ARHGAP8: variants seen among roughly 807,000 people sequenced by gnomAD.
ARHGAP8 encodes the protein rho GTPase-activating protein 8.
In ARHGAP8, 62 loss-of-function variants were observed where a neutral mutation model predicts 46.1. The ratio of observed to expected loss-of-function variants is 1.34; its 90% CI spans 1.10 to 1.66. The LOEUF is 1.66. Ranked by LOEUF, ARHGAP8 falls within the 40% of genes most tolerant of loss-of-function variation. The pLI, the probability that ARHGAP8 is intolerant of heterozygous loss-of-function variation, is 0.00. For synonymous variants in ARHGAP8, 375 were observed against 243.1 expected (o/e 1.54, Z -5.05); for missense variants, 923 against 568.4 (o/e 1.62, Z -6.34).
At chr22:44,831,406 C>G (rs1332930790) in intron 7 of ARHGAP8, among the ~76,000 whole-genome samples, 2 of 152,068 alleles carry the variant, frequency 1.3e-5, no homozygotes, top group Non-Finnish European at 2.9e-5. Context: ...GTTGAAAAGA[C>G]TTTTCCTGGC....
At chr22:44,753,739 G>A (rs132436) in intron 1 of ARHGAP8, among the ~76,000 whole-genome samples, 40,490 of 151,866 alleles carry the variant, frequency 0.27, 5,843 homozygotes, top group South Asian at 0.49. Flanking sequence ...CGGGAAGGAG[G>A]GTGGGATTGT....
At chr22:44,843,779 C>T (rs1362944126) in intron 7 of ARHGAP8, among the ~76,000 whole-genome samples, 1 of 142,064 alleles carries the variant, frequency 7.0e-6, no homozygotes, top group Non-Finnish European at 1.5e-5. Flanking sequence ...TAGCCAAGAT[C>T]ACACCGCTGT....
intron 5 of ARHGAP8, among the ~76,000 whole-genome samples, chr22:44,820,090 G>A (rs568208271): frequency 9.9e-5 from 15 of 152,190 alleles, no homozygotes; most frequent in East Asian, 7.7e-4. Flanking sequence ...CCTGGGTCTC[G>A]CCAGACCTCC....
chr22:44,794,979 T>C (rs1006679993), intron 2 of ARHGAP8, among the ~76,000 whole-genome samples: 5 of 148,628 alleles, frequency 3.4e-5, no homozygotes, highest in Non-Finnish European at 5.9e-5. Flanking sequence ...AGGTCAAGGC[T>C]GCAGTAAGTT....
At chr22:44,835,766 C>G (rs2147141466) in intron 7 of ARHGAP8, among the ~76,000 whole-genome samples, 1 of 152,204 alleles carries the variant, frequency 6.6e-6, no homozygotes, top group Admixed American at 6.5e-5. Flanking sequence ...ACCATGTGGC[C>G]CTTTTAGTTT....
At chr22:44,792,791 C>T (rs916324) in intron 2 of ARHGAP8, among the ~76,000 whole-genome samples, 82,318 of 150,818 alleles carry the variant, frequency 0.55, 23,269 homozygotes, top group East Asian at 0.7. Flanking sequence ...ACACTAACGA[C>T]AGTGGTGGTG....
At chr22:44,773,823 T>C (rs997938120) in intron 1 of ARHGAP8, among the ~76,000 whole-genome samples, 4 of 152,162 alleles carry the variant, frequency 2.6e-5, no homozygotes, top group African/African-American at 4.8e-5. Flanking sequence ...CCTCAAGTGA[T>C]CCACCTGCTT....
intron 1 of ARHGAP8, among the ~76,000 whole-genome samples, chr22:44,774,821 C>CT (rs200837875): frequency 0.011 from 1,626 of 151,380 alleles, 18 homozygotes; most frequent in Middle Eastern, 0.02. Context: ...CGTGCCTGGC[C>CT]TTTTTTTGGA....
intron 7 of ARHGAP8, among the ~76,000 whole-genome samples, chr22:44,840,410 A>T (rs557002313): frequency 1.4e-5 from 2 of 145,410 alleles, no homozygotes; most frequent in African/African-American, 2.5e-5. Context: ...ACAGCACACC[A>T]CTCTGGCCCA....
chr22:44,814,211 C>T (rs768696751), intron 4 of ARHGAP8, among the ~76,000 whole-genome samples: 1 of 152,238 alleles, frequency 6.6e-6, no homozygotes, highest in South Asian at 2.1e-4. Flanking sequence ...TTGCATTGAA[C>T]CGGCCTCTGG....
chr22:44,854,853 C>T (rs143393887), intron 10 of ARHGAP8, among the ~76,000 whole-genome samples: 134 of 152,234 alleles, frequency 8.8e-4, no homozygotes, highest in African/African-American at 2.3e-3. Flanking sequence ...GCCATGTTGG[C>T]CAGGCTTGTC....
intron 1 of ARHGAP8, among the ~76,000 whole-genome samples, chr22:44,754,812 C>T (rs1263733756): frequency 6.6e-6 from 1 of 152,094 alleles, no homozygotes; most frequent in African/African-American, 2.4e-5. Context: ...GCAAGGAACT[C>T]AGGTCCTGGA....
intron 7 of ARHGAP8, among the ~76,000 whole-genome samples, chr22:44,839,464 A>G (rs1931508743): frequency 6.6e-6 from 1 of 152,212 alleles, no homozygotes; most frequent in African/African-American, 2.4e-5. Context: ...ATCTTGGAAT[A>G]AAACTAAAGC....
chr22:44,796,590 G>A (rs1051096871), intron 2 of ARHGAP8, among the ~76,000 whole-genome samples: 8 of 152,070 alleles, frequency 5.3e-5, no homozygotes, highest in Non-Finnish European at 1.2e-4. Flanking sequence ...TGGGGGCCCT[G>A]GATTTCCAGA....
chr22:44,807,657 TGTG>T (rs1184609432), intron 3 of ARHGAP8, among the ~76,000 whole-genome samples: 2 of 152,052 alleles, frequency 1.3e-5, no homozygotes, highest in Non-Finnish European at 2.9e-5. Context: ...TGATCGCAAA[TGTG>T]GTGGCGTAAA....
At chr22:44,805,427 C>T (rs1928857701) in intron 3 of ARHGAP8, among the ~76,000 whole-genome samples, 1 of 152,192 alleles carries the variant, frequency 6.6e-6, no homozygotes, top group Admixed American at 6.5e-5. Flanking sequence ...CTGAATTGTT[C>T]ACTTGAAAGT....
intron 1 of ARHGAP8, among the ~76,000 whole-genome samples, chr22:44,758,649 CG>C (rs998814451): frequency 6.8e-6 from 1 of 147,574 alleles, no homozygotes; most frequent in African/African-American, 2.5e-5. Flanking sequence ...GTGCAAAGGC[CG>C]TGAGGTGGCA....
At chr22:44,838,774 G>A (rs1199838636) in intron 7 of ARHGAP8, among the ~76,000 whole-genome samples, 2 of 152,212 alleles carry the variant, frequency 1.3e-5, no homozygotes, top group African/African-American at 4.8e-5. Context: ...ATAAGTCACT[G>A]TAGCTCACTG....
chr22:44,810,892 G>A (rs899445700), intron 4 of ARHGAP8, among the ~76,000 whole-genome samples: 1 of 151,848 alleles, frequency 6.6e-6, no homozygotes, highest in African/African-American at 2.4e-5. Flanking sequence ...AGGTGCTTGA[G>A]GAGAAGCGAG....
Sources: allele counts gnomAD v4.1 joint callset (sites outside exome capture counted in the v4.1 genomes callset), GRCh38; gene constraint gnomAD v4.1.1; transcripts MANE v1.5; gene names NCBI Gene and HGNC (gene_info 2026-07-23, HGNC 2026-07-21).